Variants in ADGRB3 observed in about 807,000 individuals in gnomAD.
The protein encoded by ADGRB3 is brain-specific angiogenesis inhibitor 3.
A neutral mutation model predicts 193.4 loss-of-function variants in ADGRB3; 37 were observed. That is an observed-to-expected ratio of 0.19 (90% CI 0.15 to 0.25). ADGRB3 has a LOEUF of 0.25. Ranked by LOEUF, ADGRB3 falls within the 10% of genes least tolerant of loss-of-function variation. The pLI is 1.00. For missense variants in ADGRB3, 1,637 were observed against 1,852.9 expected, an observed-to-expected ratio of 0.88 and a Z score of 2.14; for synonymous variants, 690 against 644.2, an observed-to-expected ratio of 1.07 and a Z score of -1.08.
chr6:69,067,573 A>G (rs1771945118), intron 16 of ADGRB3, among the ~76,000 whole-genome samples: 1 of 152,130 alleles, frequency 6.6e-6, no homozygotes, highest in Admixed American at 6.6e-5. Context: ...AAACTTTGAA[A>G]AGTTCAGTGT....
intron 5 of ADGRB3, among the ~76,000 whole-genome samples, chr6:68,937,642 C>T (rs10485432): frequency 0.092 from 14,027 of 152,118 alleles, 848 homozygotes; most frequent in Non-Finnish European, 0.13. Context: ...TTAGAAGTTT[C>T]TCATTAAGTT....
At chr6:69,079,096 A>G (rs1047616415) in intron 17 of ADGRB3, among the ~76,000 whole-genome samples, 2 of 152,096 alleles carry the variant, frequency 1.3e-5, no homozygotes, top group African/African-American at 2.4e-5. Flanking sequence ...GATCCATTAT[A>G]AACAATTAAT....
At chr6:68,748,003 A>C (rs1766118605) in intron 3 of ADGRB3, among the ~76,000 whole-genome samples, 1 of 152,162 alleles carries the variant, frequency 6.6e-6, no homozygotes. Context: ...CCAGATAAAC[A>C]CATCAGATCT....
chr6:68,869,860 TCTCCAC>T, intron 3 of ADGRB3, among the ~76,000 whole-genome samples: 1 of 152,234 alleles, frequency 6.6e-6, no homozygotes. Context: ...CTTGCTGCAA[TCTCCAC>T]CTCCCAGGTT....
intron 20 of ADGRB3, among the ~76,000 whole-genome samples, chr6:69,302,084 G>GA (rs1178226109): frequency 6.6e-6 from 1 of 151,862 alleles, no homozygotes; most frequent in Non-Finnish European, 1.5e-5. Context: ...TGGAGACCAT[G>GA]AAAAAACTCC....
intron 3 of ADGRB3, among the ~76,000 whole-genome samples, chr6:68,772,890 AAAAAATATAT>A (rs60614386): frequency 0.047 from 2,181 of 45,962 alleles, 79 homozygotes; most frequent in African/African-American, 0.12. Flanking sequence ...AACAAAAAAA[AAAAAATATAT>A]ATATATATAT....
At chr6:68,709,256 C>T (rs1429274733) in intron 3 of ADGRB3, among the ~76,000 whole-genome samples, 56 of 152,138 alleles carry the variant, frequency 3.7e-4, no homozygotes, top group Non-Finnish European at 1.2e-4. Flanking sequence ...CCATTGGTCA[C>T]ACTGATTTCT....
intron 17 of ADGRB3, among the ~76,000 whole-genome samples, chr6:69,182,188 A>T (rs1174541647): frequency 6.6e-6 from 1 of 152,202 alleles, no homozygotes; most frequent in African/African-American, 2.4e-5. Flanking sequence ...GTTATGAGTG[A>T]TGCAAAAATC....
intron 24 of ADGRB3, among the ~76,000 whole-genome samples, chr6:69,337,732 CTTAA>C (rs1165420218): frequency 1.3e-5 from 2 of 152,308 alleles, no homozygotes; most frequent in Non-Finnish European, 2.9e-5. Flanking sequence ...GATCAATCTA[CTTAA>C]TTAATCACTT....
intron 3 of ADGRB3, among the ~76,000 whole-genome samples, chr6:68,850,635 A>G (rs1768378496): frequency 6.6e-6 from 1 of 152,000 alleles, no homozygotes; most frequent in Non-Finnish European, 1.5e-5. Context: ...TATAGATTCA[A>G]CATGCATCTT....
At chr6:68,925,621 G>A (rs1417687345) in intron 3 of ADGRB3, among the ~76,000 whole-genome samples, 6 of 151,852 alleles carry the variant, frequency 4.0e-5, no homozygotes, top group Non-Finnish European at 5.9e-5. Context: ...TCTCTTTGGC[G>A]ACATATTAAA....
chr6:69,220,492 T>C (rs1270131898), intron 17 of ADGRB3, among the ~76,000 whole-genome samples: 1 of 152,096 alleles, frequency 6.6e-6, no homozygotes, highest in Admixed American at 6.6e-5. Flanking sequence ...TCTGATGTGG[T>C]ACATCAGAAT....
At chr6:69,153,119 A>G (rs886372099) in intron 17 of ADGRB3, among the ~76,000 whole-genome samples, 6 of 152,264 alleles carry the variant, frequency 3.9e-5, no homozygotes, top group African/African-American at 1.4e-4. Flanking sequence ...TAGGAAACCT[A>G]TGAAACCCTG....
At chr6:69,228,028 G>C (rs572184550) in intron 17 of ADGRB3, among the ~76,000 whole-genome samples, 1 of 152,336 alleles carries the variant, frequency 6.6e-6, no homozygotes, top group East Asian at 1.9e-4. Context: ...GGCCAAGGCA[G>C]GTGGATCACC....
At chr6:68,680,769 A>G (rs1340398063) in intron 3 of ADGRB3, among the ~76,000 whole-genome samples, 1 of 152,210 alleles carries the variant, frequency 6.6e-6, no homozygotes, top group African/African-American at 2.4e-5. Flanking sequence ...GGTAAATAAT[A>G]TATAAGTATT....
chr6:69,204,813 A>G (rs910268514), intron 17 of ADGRB3, among the ~76,000 whole-genome samples: 1 of 152,086 alleles, frequency 6.6e-6, no homozygotes, highest in Non-Finnish European at 1.5e-5. Context: ...CTGTAAAATT[A>G]TGCAACTGTT....
chr6:68,989,717 G>A (rs1582375570), intron 10 of ADGRB3, among the ~76,000 whole-genome samples: 1 of 151,952 alleles, frequency 6.6e-6, no homozygotes, highest in East Asian at 1.9e-4. Context: ...TTAAATCTAG[G>A]TTTTATTATT....
At chr6:68,934,705 T>G (rs916405839) in intron 4 of ADGRB3, among the ~76,000 whole-genome samples, 2 of 152,198 alleles carry the variant, frequency 1.3e-5, no homozygotes, top group African/African-American at 4.8e-5. Context: ...TAAATTTACA[T>G]GCACATATAC....
chr6:69,101,545 G>T (rs1374729007), intron 17 of ADGRB3, among the ~76,000 whole-genome samples: 1 of 150,444 alleles, frequency 6.6e-6, no homozygotes, highest in Non-Finnish European at 1.5e-5. Context: ...AAATTGCTTA[G>T]TTTTTATTTA....
Sources: gnomAD v4.1 joint callset for allele counts (sites outside exome capture counted in the v4.1 genomes callset) on GRCh38, gnomAD v4.1.1 for gene constraint, MANE v1.5 for transcripts, NCBI Gene and HGNC (gene_info 2026-07-23, HGNC 2026-07-21) for gene names.